The following DCP2 variants were observed in gnomAD, a reference collection of about 807,000 sequenced individuals.
The protein encoded by DCP2 is decapping mRNA 2.
Under a neutral mutation model 56.1 loss-of-function variants are expected in DCP2, and 30 were observed. The observed-to-expected ratio is 0.53, with a 90% CI of 0.40 to 0.73. The LOEUF is 0.73. Among genes scored for constraint, DCP2 ranks in the 30% least tolerant of loss-of-function variants. The pLI, the probability that DCP2 is intolerant of heterozygous loss-of-function variation, is 0.00. For missense variants in DCP2, 533 were observed against 502.7 expected, an observed-to-expected ratio of 1.06 and a Z score of -0.58; for synonymous variants, 197 against 163.3, an observed-to-expected ratio of 1.21 and a Z score of -1.57.
At chr5:112,995,572 A>G (rs1748810171) in intron 4 of DCP2, among the ~76,000 whole-genome samples, 1 of 152,242 alleles carries the variant, frequency 6.6e-6, no homozygotes, top group South Asian at 2.1e-4. Flanking sequence ...AAGCACAGGC[A>G]TCCTGAAGAG....
In DCP2 at chr5:113,016,276, T is replaced by C. The variant is rs1484848503; in HGVS notation, c.*2792T>C. 2.0e-5 allele frequency: 3 copies of C among 152,630 alleles called. No homozygotes were observed. Among genetic ancestry groups the C allele is most frequent in the Admixed American group, 2.0e-4 (3 of 15,278 alleles). The allele number at this position is 152,630 out of a possible 1,614,324, so 9.5% of individuals were successfully genotyped here. A position where few individuals can be genotyped will look rare whatever the true frequency, so the allele number is the denominator to read the frequency against. Reference sequence around the variant, plus strand: ...CAAATAGTGATACCCTCCTGAGACATGAGCATTTGGAGAGGCCTGAGAACC... The same window carrying C: ...CAAATAGTGATACCCTCCTGAGACACGAGCATTTGGAGAGGCCTGAGAACC... On this transcript the variant is annotated 3_prime_UTR_variant, in exon 11 of 11. Transcript: ENST00000389063.
Position 113,019,431 on chromosome 5 carries a change from TA to T in DCP2, c.*5948del, listed in dbSNP as rs1411543130. The T allele has an allele frequency of 2.0e-5, 3 of 152,076 alleles. No individual in the cohort carries two copies. Among genetic ancestry groups the T allele is most frequent in the African/African-American group, 7.3e-5 (3 of 41,316 alleles). The allele number at this position is 152,076 out of a possible 1,614,324, so 9.4% of individuals were successfully genotyped here. A position where few individuals can be genotyped will look rare whatever the true frequency, so the allele number is the denominator to read the frequency against. On this transcript the variant is annotated 3_prime_UTR_variant, in exon 11 of 11. Coordinates refer to ENST00000389063, the MANE Select transcript of DCP2 (RefSeq NM_152624.6). ...CTAAGAGTTTCTTTGTGCATTTCAC[TA>T]CTGTTCTAGGGGACTGCTGTCTCTT...
chr5:112,989,642 A>G (rs1237082618), intron 2 of DCP2, among the ~76,000 whole-genome samples: 1 of 152,172 alleles, frequency 6.6e-6, no homozygotes, highest in East Asian at 1.9e-4. Context: ...TTATTTTGGG[A>G]AAAAACTTTC....
rs909305117 is a variant in DCP2, at chr5:113,010,835, C to G, written c.1099+28C>G. 3.2e-6 allele frequency: 5 copies of G among 1,583,186 alleles called. No individual in the cohort carries two copies. The African/African-American group carries it at 5.5e-5, about 17-fold the overall frequency. On this transcript the variant is annotated intron_variant, in intron 10 of 10. Transcript: ENST00000389063. The stretch of plus-strand genomic sequence containing the variant: ...AAGTCATTTCCTATCTTTTTATAAT[C>G]TCTGCCTTGTGGGATTTGGTTTGGT...
At chr5:113,011,018 C>G (rs1240596802) in intron 10 of DCP2, among the ~76,000 whole-genome samples, 1 of 152,068 alleles carries the variant, frequency 6.6e-6, no homozygotes, top group South Asian at 2.1e-4. Flanking sequence ...CAGACTGTGC[C>G]GTTTCTTTTA....
At chr5:113,006,947 A>C (rs1451763709) in intron 8 of DCP2, among the ~76,000 whole-genome samples, 1 of 152,134 alleles carries the variant, frequency 6.6e-6, no homozygotes, top group East Asian at 1.9e-4. Flanking sequence ...AGCTTGGCCA[A>C]CAGGGTGAAA....
intron 1 of DCP2, chr5:112,983,926 T>C (rs1050175806): frequency 3.3e-5 from 5 of 152,372 alleles, no homozygotes; most frequent in African/African-American, 1.2e-4. Context: ...AGATGTGTAG[T>C]ATCTTAAAAT....
In DCP2 at chr5:113,018,512, T is replaced by C. The variant is rs1463427228; in HGVS notation, c.*5028T>C. On this transcript the variant is annotated 3_prime_UTR_variant, in exon 11 of 11. Transcript: ENST00000389063. ...GGTCAAAGGTACTCTGAAGAGTGAA[T>C]GCAGAAATCAGTTGGCTGTGTTTGT... 6.6e-6 allele frequency: 1 copy of C among 152,254 alleles called. No homozygotes were observed. The highest frequency in any genetic ancestry group is 1.5e-5 in the Non-Finnish European group (1 of 68,056). The allele number at this position is 152,254 out of a possible 1,614,324, so 9.4% of individuals were successfully genotyped here.
intron 7 of DCP2, among the ~76,000 whole-genome samples, chr5:113,003,376 C>A (rs1360458926): frequency 6.6e-6 from 1 of 152,110 alleles, no homozygotes; most frequent in Admixed American, 6.6e-5. Context: ...TTTCTCAGAT[C>A]ATCTTTCAGC....
Position 113,001,167 on chromosome 5 carries a change from T to C in DCP2, c.516T>C (p.Ala172=), listed in dbSNP as rs770976241. 5.0e-6 allele frequency: 8 copies of C among 1,613,840 alleles called. No homozygotes were observed. In the Admixed American group the frequency reaches 6.7e-5, roughly 13 times the overall value. Residue 172 remains alanine, a synonymous_variant, in exon 5 of 11, where the codon GCT becomes GCC. Transcript: ENST00000389063. ...AACTTCGAATCAATGACCAGCTTGC[T>C]CGTTTGTACATCATTCCAGGAATTC... The part of the protein sequence containing the change: ...YIELRINDQL[A]RLYIIPGIPK...
In DCP2 at chr5:112,985,837, G is replaced by A. The variant is rs747931440; in HGVS notation, c.56G>A (p.Arg19Gln). The A allele has an allele frequency of 6.3e-7, 1 of 1,593,800 alleles. No homozygotes were observed. The highest frequency in any genetic ancestry group is 1.7e-5 in the Admixed American group (1 of 59,680). The change falls in exon 2 of 11, where the codon CGA becomes CAA. Residue 19 changes from arginine to glutamine, a missense_variant and splice_region_variant. Transcript: ENST00000389063. ...TGTATGTGTTTTGTTTTTGACAGCC[G>A]ATTTATTTTGCATATTCCCAGCGAG... Reference protein sequence around the residue: ...PGSVLDDLCSRFILHIPSEER... With the variant: ...PGSVLDDLCSQFILHIPSEER...
intron 8 of DCP2, among the ~76,000 whole-genome samples, 162 bp from the exon 9 acceptor site, chr5:113,007,776 C>CTTCT (rs1277820784): frequency 2.0e-5 from 3 of 152,172 alleles, no homozygotes; most frequent in Non-Finnish European, 4.4e-5. Flanking sequence ...GAAGCACTGA[C>CTTCT]TTCTATAAGA....
chr5:112,978,176 C>T (rs917206583), intron 1 of DCP2, among the ~76,000 whole-genome samples: 1 of 152,126 alleles, frequency 6.6e-6, no homozygotes, highest in African/African-American at 2.4e-5. Flanking sequence ...GGGATTTCAC[C>T]ATCTTGGCCG....
In DCP2 at chr5:112,997,371, G is replaced by A. The variant is rs901742458; in HGVS notation, c.433-3713G>A. 3.3e-5 allele frequency among the ~76,000 whole-genome samples: 5 copies of A among 152,172 alleles called. No homozygotes were observed. The South Asian group carries it at 1.0e-3, about 32-fold the overall frequency. Reference sequence around the variant, plus strand: ...CTTGAGAATAAGCGAATAATACTTAGCTGTTCACTTGTGGTTTCAAGATTT... The same window carrying A: ...CTTGAGAATAAGCGAATAATACTTAACTGTTCACTTGTGGTTTCAAGATTT... On this transcript the variant is annotated intron_variant, in intron 4 of 10. Transcript: ENST00000389063.
Position 113,010,826 on chromosome 5 carries a change from T to C in DCP2, c.1099+19T>C, listed in dbSNP as rs1561705794. On this transcript the variant is annotated intron_variant, in intron 10 of 10. Coordinates refer to ENST00000389063, the MANE Select transcript of DCP2 (RefSeq NM_152624.6). ...GAAACAGGCAAGTCATTTCCTATCT[T>C]TTTATAATCTCTGCCTTGTGGGATT... The C allele has an allele frequency of 6.3e-7, 1 of 1,594,914 alleles. No homozygotes were observed.
intron 7 of DCP2, among the ~76,000 whole-genome samples, chr5:113,003,656 C>T (rs1332037650): frequency 6.6e-6 from 1 of 151,932 alleles, no homozygotes; most frequent in Admixed American, 6.6e-5. Flanking sequence ...ACTATAATCA[C>T]TTATAGGGAG....
chr5:113,001,814 A>C, intron 7 of DCP2, 140 bp downstream of exon 7: 1 of 784,448 alleles, frequency 1.3e-6, no homozygotes, highest in Non-Finnish European at 2.0e-6. Flanking sequence ...CAGATAATAG[A>C]AGATTTTTTT....
intron 1 of DCP2, among the ~76,000 whole-genome samples, chr5:112,977,354 C>T (rs1477301963): frequency 6.6e-6 from 1 of 152,168 alleles, no homozygotes; most frequent in Non-Finnish European, 1.5e-5. Context: ...CTTTTCCACG[C>T]CGTGCACCCC....
intron 1 of DCP2, among the ~76,000 whole-genome samples, chr5:112,980,447 A>G (rs1412785705): frequency 6.6e-6 from 1 of 152,240 alleles, no homozygotes; most frequent in Non-Finnish European, 1.5e-5. Context: ...TCCTTGTGCT[A>G]ATGTCCTGTT....
Sources: allele counts gnomAD v4.1 joint callset (sites outside exome capture counted in the v4.1 genomes callset), GRCh38; gene constraint gnomAD v4.1.1; transcripts MANE v1.5; gene names NCBI Gene and HGNC (gene_info 2026-07-23, HGNC 2026-07-21).